Variants in NCKAP5 observed in about 807,000 individuals in gnomAD.
NCKAP5 encodes nck-associated protein 5.
Under a neutral mutation model 167.0 loss-of-function variants are expected in NCKAP5, and 92 were observed. The observed-to-expected ratio is 0.55, with a 90% CI of 0.47 to 0.66. NCKAP5 has a LOEUF of 0.66. NCKAP5 is among the 30% of genes least tolerant of loss of function. The pLI, the probability that NCKAP5 is intolerant of heterozygous loss-of-function variation, is 0.00. For synonymous variants in NCKAP5, 891 were observed against 877.4 expected, an observed-to-expected ratio of 1.02 and a Z score of -0.27; for missense variants, 2,378 against 2,315.0, an observed-to-expected ratio of 1.03 and a Z score of -0.56.
At chr2:133,358,436 C>A (rs1684883322) in intron 3 of NCKAP5, among the ~76,000 whole-genome samples, 1 of 152,046 alleles carries the variant, frequency 6.6e-6, no homozygotes, top group Admixed American at 6.6e-5. Context: ...AACAAAAAGC[C>A]AGGGTATGGT....
intron 9 of NCKAP5, among the ~76,000 whole-genome samples, chr2:132,877,702 C>T (rs1470795451): frequency 6.6e-6 from 1 of 152,178 alleles, no homozygotes; most frequent in East Asian, 1.9e-4. Context: ...TACGGCGTTA[C>T]TGCTGGGAGC....
At chr2:133,237,523 C>T (rs1049159253) in intron 4 of NCKAP5, among the ~76,000 whole-genome samples, 2 of 152,164 alleles carry the variant, frequency 1.3e-5, no homozygotes, top group South Asian at 2.1e-4. Flanking sequence ...ATTCCACACA[C>T]ACTTATTGAG....
chr2:133,031,519 G>T (rs959107529), intron 6 of NCKAP5, among the ~76,000 whole-genome samples: 1 of 152,180 alleles, frequency 6.6e-6, no homozygotes, highest in Non-Finnish European at 1.5e-5. Context: ...TTGAAAGGCA[G>T]TCTGGGCCAT....
intron 5 of NCKAP5, among the ~76,000 whole-genome samples, chr2:133,189,972 G>A (rs958006130): frequency 4.6e-5 from 7 of 152,108 alleles, no homozygotes; most frequent in Non-Finnish European, 8.8e-5. Context: ...TAGGAAAAGA[G>A]GAAGTCAAAT....
In NCKAP5 at chr2:133,067,842, A is replaced by C. The variant is rs187156073; in HGVS notation, c.341+62136T>G. On this transcript the variant is annotated intron_variant, in intron 6 of 19. Transcript: ENST00000409261. Reference sequence around the variant, plus strand: ...TGCAGGGAATTTATTGCAAGGGATGAGGGGAATGCTCTTGAAATTAACAAT... The same window carrying C: ...TGCAGGGAATTTATTGCAAGGGATGCGGGGAATGCTCTTGAAATTAACAAT... 1.7e-3 allele frequency among the ~76,000 whole-genome samples: 262 copies of C among 152,292 alleles called. 1 individual carries two copies. The highest frequency in any genetic ancestry group is 0.017 in the Middle Eastern group (5 of 294).
intron 10 of NCKAP5, among the ~76,000 whole-genome samples, chr2:132,862,652 C>T (rs190202542): frequency 1.3e-4 from 19 of 151,338 alleles, no homozygotes; most frequent in African/African-American, 1.9e-4. Flanking sequence ...CCCAGCTACT[C>T]GGGAGGCTGA....
chr2:133,191,743 G>A (rs906497356), intron 5 of NCKAP5, among the ~76,000 whole-genome samples: 1 of 152,022 alleles, frequency 6.6e-6, no homozygotes, highest in African/African-American at 2.4e-5. Flanking sequence ...ACAGGATGGG[G>A]AACATCACAC....
intron 7 of NCKAP5, among the ~76,000 whole-genome samples, chr2:132,993,551 A>T (rs2077505433): frequency 6.6e-6 from 1 of 152,112 alleles, no homozygotes; most frequent in Non-Finnish European, 1.5e-5. Context: ...ACCCAGGAGG[A>T]CTGCATACAC....
At chr2:132,716,685 G>C (rs115368602) in intron 19 of NCKAP5, among the ~76,000 whole-genome samples, 171 of 152,164 alleles carry the variant, frequency 1.1e-3, no homozygotes, top group African/African-American at 3.6e-3. Context: ...GGGTCCCCAG[G>C]CTTGGTCTCC....
chr2:132,773,689 C>T (rs1682291704), intron 16 of NCKAP5, 127 bp downstream of exon 16: 1 of 740,688 alleles, frequency 1.4e-6, no homozygotes, highest in South Asian at 2.0e-5. Context: ...ATAATGGCAA[C>T]CATGTGTGAA....
chr2:132,728,759 T>A, intron 18 of NCKAP5, 57 bp downstream of exon 18: 1 of 1,585,516 alleles, frequency 6.3e-7, no homozygotes, highest in Non-Finnish European at 8.6e-7. Flanking sequence ...TAGGGTACAC[T>A]TTTTAGAATC....
chr2:133,129,216 G>A (rs1346037315), intron 6 of NCKAP5, among the ~76,000 whole-genome samples: 1 of 151,860 alleles, frequency 6.6e-6, no homozygotes, highest in Admixed American at 6.6e-5. Context: ...TTTAGCATTA[G>A]GTATATCTCC....
At chr2:132,693,453 A>G (rs1481209763) in intron 19 of NCKAP5, among the ~76,000 whole-genome samples, 1 of 152,006 alleles carries the variant, frequency 6.6e-6, no homozygotes, top group African/African-American at 2.4e-5. Context: ...AGACACAGAG[A>G]GAAAACAGAG....
chr2:133,260,889 C>T (rs1482338503), intron 4 of NCKAP5, among the ~76,000 whole-genome samples: 1 of 152,026 alleles, frequency 6.6e-6, no homozygotes, highest in Non-Finnish European at 1.5e-5. Context: ...CAATGCCATG[C>T]TTAACATTTG....
intron 5 of NCKAP5, among the ~76,000 whole-genome samples, chr2:133,160,712 A>T (rs1266252385): frequency 6.6e-6 from 1 of 151,968 alleles, no homozygotes; most frequent in Non-Finnish European, 1.5e-5. Context: ...TAGGTGCACA[A>T]TTTACTCACC....
chr2:132,884,397 T>C (rs532104768), intron 8 of NCKAP5, among the ~76,000 whole-genome samples: 2 of 152,352 alleles, frequency 1.3e-5, no homozygotes, highest in South Asian at 4.1e-4. Flanking sequence ...GCAGCTGAGA[T>C]GGAACCCCTC....
At chr2:133,187,971 A>G (rs1278002055) in intron 5 of NCKAP5, among the ~76,000 whole-genome samples, 1 of 152,078 alleles carries the variant, frequency 6.6e-6, no homozygotes, top group Admixed American at 6.6e-5. Flanking sequence ...TAGCCCATTT[A>G]CATTTAAGGT....
intron 19 of NCKAP5, among the ~76,000 whole-genome samples, chr2:132,696,367 A>G (rs1461671844): frequency 2.0e-5 from 3 of 152,202 alleles, no homozygotes; most frequent in Non-Finnish European, 4.4e-5. Context: ...TTTATTGAAA[A>G]CTAATTGGCC....
chr2:133,365,797 C>T (rs1685420969), intron 3 of NCKAP5, among the ~76,000 whole-genome samples: 1 of 152,104 alleles, frequency 6.6e-6, no homozygotes, highest in Admixed American at 6.6e-5. Flanking sequence ...TCCTGGATTT[C>T]AACATTTTTT....
Sources: allele counts gnomAD v4.1 joint callset (sites outside exome capture counted in the v4.1 genomes callset), GRCh38; gene constraint gnomAD v4.1.1; transcripts MANE v1.5; gene names NCBI Gene and HGNC (gene_info 2026-07-23, HGNC 2026-07-21).